ZNF18: variants seen among roughly 807,000 people sequenced by gnomAD.
The protein encoded by ZNF18 is zinc finger protein 18, also known as heart development-specific gene 1 protein.
Under a neutral mutation model 58.1 loss-of-function variants are expected in ZNF18, and 42 were observed. The observed-to-expected ratio is 0.72, with a 90% CI of 0.56 to 0.93. The LOEUF is 0.93. Among genes scored for constraint, ZNF18 ranks in the 40% least tolerant of loss-of-function variants. The pLI, the probability that ZNF18 is intolerant of heterozygous loss-of-function variation, is 0.00. For synonymous variants in ZNF18, 231 were observed against 239.8 expected (o/e 0.96, Z 0.34); for missense variants, 540 against 644.2 (o/e 0.84, Z 1.75).
Position 11,992,574 on chromosome 17 carries a change from A to C in ZNF18, c.256T>G (p.Leu86Val). The C allele has an allele frequency of 6.2e-7, 1 of 1,614,242 alleles. No individual in the cohort carries two copies. The highest frequency in any genetic ancestry group is 1.3e-5 in the African/African-American group (1 of 75,062). Residue 86 changes from leucine (L) to valine (V), a missense_variant, in exon 2 of 7, where the codon TTG becomes GTG. Transcript: ENST00000580306. ...TKEQILEILM[L>V]EQFLTILPGE... The stretch of plus-strand genomic sequence containing the variant: ...GGCAGGATGGTCAGAAACTGCTCCA[A>C]CATGAGGATCTCTAGGATCTGCTCT...
chr17:11,992,919 G>C lies in ZNF18; in HGVS notation c.-82-8C>G. The C allele has an allele frequency of 7.0e-7, 1 of 1,426,438 alleles. No homozygotes were observed. The highest frequency in any genetic ancestry group is 9.3e-7 in the Non-Finnish European group (1 of 1,071,166). The allele number at this position is 1,426,438 out of a possible 1,614,324, so 88.4% of individuals were successfully genotyped here. On this transcript the variant is annotated splice_polypyrimidine_tract_variant and splice_region_variant and intron_variant, in intron 1 of 6. Coordinates refer to ENST00000580306, the MANE Select transcript of ZNF18 (RefSeq NM_001303281.2). ...TAGGTCTTCACCAGGACACTAAAAA[G>C]GGAATGAGATTGAGTGCTACACAGA...
the ZNF18 span, among the ~76,000 whole-genome samples, chr17:12,003,416 G>T: frequency 6.6e-6 from 1 of 151,118 alleles, no homozygotes; most frequent in Non-Finnish European, 1.5e-5. Context: ...CTCCAGCCCG[G>T]GTGACAGTGT....
chr17:11,983,163 T>C, intron 6 of ZNF18, 134 bp downstream of exon 6: 1 of 614,934 alleles, frequency 1.6e-6, no homozygotes, highest in Non-Finnish European at 2.9e-6. Context: ...ATCAAACCAA[T>C]CAGATCATGG....
rs762973080 is a variant in ZNF18 at position 11,978,329 on chromosome 17, G to C, written c.1278C>G (p.His426Gln). Residue 426 changes from histidine (H) to glutamine (Q), a missense_variant, in exon 7 of 7, where the codon CAC becomes CAG. Coordinates refer to ENST00000580306, the MANE Select transcript of ZNF18 (RefSeq NM_001303281.2). Reference sequence around the variant, plus strand: ...ATGTCTCTCCGGTGTGAGTTCTTTGGTGAAAAATAAGCTGAGAATTCCTAT... The same window carrying C: ...ATGTCTCTCCGGTGTGAGTTCTTTGCTGAAAAATAAGCTGAGAATTCCTAT... ...TFYRNSQLIFHQRTHTGETYF... is the reference protein window; with the variant it reads ...TFYRNSQLIFQQRTHTGETYF... The C allele has an allele frequency of 1.3e-6, 2 of 1,589,486 alleles. No individual in the cohort carries two copies. Among genetic ancestry groups the C allele is most frequent in the South Asian group, 2.3e-5 (2 of 87,084 alleles).
chr17:11,996,561 T>C (rs1436325465), intron 1 of ZNF18, among the ~76,000 whole-genome samples: 1 of 152,190 alleles, frequency 6.6e-6, no homozygotes, highest in African/African-American at 2.4e-5. Context: ...AAAAATTTAA[T>C]AGAGTTTATA....
At chr17:11,994,856 A>G (rs949069409) in intron 1 of ZNF18, among the ~76,000 whole-genome samples, 2 of 152,162 alleles carry the variant, frequency 1.3e-5, no homozygotes, top group Non-Finnish European at 2.9e-5. Flanking sequence ...AAAAAGAAAA[A>G]GAAAATTATA....
chr17:11,983,426 AT>A lies in ZNF18; in HGVS notation c.752-20del. Reference sequence around the variant, plus strand: ...ATGCCTGCTATAGAGAGAAAGATGTATGGTGGGCCTGGATGAATAGGGAAGA... The same window carrying A: ...ATGCCTGCTATAGAGAGAAAGATGTAGGTGGGCCTGGATGAATAGGGAAGA... On this transcript the variant is annotated intron_variant, in intron 5 of 6. Coordinates refer to ENST00000580306, the MANE Select transcript of ZNF18 (RefSeq NM_001303281.2). 1 of 1,591,626 alleles carries A rather than the reference AT, an allele frequency of 6.3e-7. No individual in the cohort carries two copies. Among genetic ancestry groups the A allele is most frequent in the Non-Finnish European group, 8.6e-7 (1 of 1,159,728 alleles).
upstream of ZNF18, among the ~76,000 whole-genome samples, chr17:11,997,738 G>A (rs913221728): frequency 1.2e-4 from 18 of 152,200 alleles, no homozygotes; most frequent in African/African-American, 3.4e-4. Flanking sequence ...CACCTATTCT[G>A]TGCCAGGCAC....
At chr17:12,015,627 T>C in the ZNF18 span, among the ~76,000 whole-genome samples, 1 of 152,208 alleles carries the variant, frequency 6.6e-6, no homozygotes, top group Non-Finnish European at 1.5e-5. Flanking sequence ...CACCTAGATG[T>C]CACTATTAAC....
the ZNF18 span, among the ~76,000 whole-genome samples, chr17:12,013,801 T>G: frequency 2.0e-5 from 3 of 152,250 alleles, no homozygotes; most frequent in Non-Finnish European, 4.4e-5. Flanking sequence ...TTATTCTATA[T>G]TGCTGATAAA....
At position 11,991,128 on chromosome 17, in the gene ZNF18, T is replaced by C. The variant is rs372249671; in HGVS notation, c.423A>G (p.Ser141=). ...SIQVLGQDIL[S]EKMESPSCQV... ...GGCAGCTTGGAGATTCCATCTTCTC[T>C]GATAAGATGTCCTGTCCTAGAACCT... Residue 141 remains serine (S), a synonymous_variant, in exon 3 of 7, where the codon TCA becomes TCG. Coordinates refer to ENST00000580306, the MANE Select transcript of ZNF18 (RefSeq NM_001303281.2). The C allele has an allele frequency of 8.7e-6, 14 of 1,614,076 alleles. No individual in the cohort carries two copies. The African/African-American group carries it at 9.3e-5, about 11-fold the overall frequency.
In ZNF18 at chr17:11,977,697, C is replaced by T. The variant is rs1222613151; in HGVS notation, c.*260G>A. The stretch of plus-strand genomic sequence containing the variant: ...GGATCTCCAATTTAGACTTTTTCCC[C>T]GATGGGTCCAAAGGAAGGATGAGTG... On this transcript the variant is annotated 3_prime_UTR_variant, in exon 7 of 7. Coordinates refer to ENST00000580306, the MANE Select transcript of ZNF18 (RefSeq NM_001303281.2). The T allele has an allele frequency of 1.3e-5, 5 of 374,922 alleles. No homozygotes were observed. Among genetic ancestry groups the T allele is most frequent in the Admixed American group, 1.3e-4 (3 of 23,816 alleles). 23.2% of individuals were successfully genotyped at this position (374,922 alleles called of 1,614,324 possible). A position where few individuals can be genotyped will look rare whatever the true frequency, so the allele number is the denominator to read the frequency against.
At chr17:12,020,995 A>G in the ZNF18 span, 1 of 1,209,502 alleles carries the variant, frequency 8.3e-7, no homozygotes, top group Non-Finnish European at 1.0e-6. Context: ...CGTCAGCAGC[A>G]TGCAGGGTAA....
At chr17:12,003,678 T>C in the ZNF18 span, among the ~76,000 whole-genome samples, 2 of 152,238 alleles carry the variant, frequency 1.3e-5, no homozygotes, top group Non-Finnish European at 2.9e-5. Flanking sequence ...AGGATTTCAA[T>C]GACTAACTCC....
chr17:12,006,709 C>T, the ZNF18 span, among the ~76,000 whole-genome samples: 1 of 152,012 alleles, frequency 6.6e-6, no homozygotes, highest in African/African-American at 2.4e-5. Flanking sequence ...CATGATCTCA[C>T]CACCACACTC....
At chr17:12,002,267 G>C (rs1968670920), upstream of ZNF18, 2 of 152,240 alleles carry the variant, frequency 1.3e-5, no homozygotes, top group African/African-American at 4.8e-5. Flanking sequence ...GGGCGTGGTG[G>C]TGTGCGCCTG....
chr17:12,016,330 ATTAT>A, the ZNF18 span, among the ~76,000 whole-genome samples: 3 of 151,412 alleles, frequency 2.0e-5, no homozygotes, highest in South Asian at 4.2e-4. Context: ...ATTATTTCAA[ATTAT>A]TTATTTATTT....
chr17:12,012,018 A>C, the ZNF18 span, among the ~76,000 whole-genome samples: 3 of 152,180 alleles, frequency 2.0e-5, no homozygotes, highest in Non-Finnish European at 4.4e-5. Context: ...TAATTCATTA[A>C]TTTTCATTAG....
intron 1 of ZNF18, among the ~76,000 whole-genome samples, chr17:11,995,100 T>G (rs747280553): frequency 6.6e-6 from 1 of 151,860 alleles, no homozygotes; most frequent in Non-Finnish European, 1.5e-5. Context: ...CTCATTAAAT[T>G]TATTTTTTGC....
Sources: allele counts gnomAD v4.1 joint callset (sites outside exome capture counted in the v4.1 genomes callset), GRCh38; gene constraint gnomAD v4.1.1; transcripts MANE v1.5; gene names NCBI Gene and HGNC (gene_info 2026-07-23, HGNC 2026-07-21).